Variants in FAM114A2 observed in about 807,000 individuals in gnomAD.
The protein encoded by FAM114A2 is protein FAM114A2.
A neutral mutation model predicts 58.4 loss-of-function variants in FAM114A2; 53 were observed. That is an observed-to-expected ratio of 0.91 (90% CI 0.73 to 1.14). FAM114A2 has a LOEUF of 1.14. Among genes scored for constraint, FAM114A2 ranks in the 50% most tolerant of loss-of-function variants. The pLI is 0.00. For missense variants in FAM114A2, 601 were observed against 581.1 expected, an observed-to-expected ratio of 1.03 and a Z score of -0.35; for synonymous variants, 228 against 211.4, an observed-to-expected ratio of 1.08 and a Z score of -0.68.
chr5:154,014,344 G>A (rs1350047781), intron 8 of FAM114A2, among the ~76,000 whole-genome samples: 1 of 152,184 alleles, frequency 6.6e-6, no homozygotes, highest in African/African-American at 2.4e-5. Flanking sequence ...AGAGCAGCGC[G>A]TGGAGGCTCG....
chr5:154,009,036 G>A (rs938860837), intron 9 of FAM114A2, among the ~76,000 whole-genome samples: 1 of 152,114 alleles, frequency 6.6e-6, no homozygotes, highest in Non-Finnish European at 1.5e-5. Context: ...ACACATATAG[G>A]TGTATATGTA....
At chr5:154,001,878 T>C (rs1038061433) in intron 11 of FAM114A2, among the ~76,000 whole-genome samples, 2 of 152,136 alleles carry the variant, frequency 1.3e-5, no homozygotes, top group African/African-American at 4.8e-5. Flanking sequence ...AAATTAGAAA[T>C]TATACATGCA....
intron 12 of FAM114A2, chr5:153,995,192 T>C (rs1769478097): frequency 4.3e-6 from 2 of 468,328 alleles, no homozygotes; most frequent in South Asian, 3.9e-5. Flanking sequence ...TGACAGTGTA[T>C]TGTTTTATAC....
chr5:154,011,465 T>G (rs1161395072), intron 8 of FAM114A2, 145 bp from the exon 9 acceptor site: 1 of 596,672 alleles, frequency 1.7e-6, no homozygotes, highest in African/African-American at 1.9e-5. Context: ...TACATGAGCA[T>G]GGTGCTTTAG....
intron 11 of FAM114A2, among the ~76,000 whole-genome samples, chr5:154,001,398 A>C (rs1769961131): frequency 6.6e-6 from 1 of 152,186 alleles, no homozygotes; most frequent in Non-Finnish European, 1.5e-5. Flanking sequence ...GAACATTCCA[A>C]GTAGCAGAAA....
intron 9 of FAM114A2, among the ~76,000 whole-genome samples, chr5:154,006,092 C>G (rs80289164): frequency 1.3e-5 from 2 of 152,160 alleles, no homozygotes; most frequent in South Asian, 4.1e-4. Context: ...TTCAAAACAC[C>G]AAACAGCATG....
intron 9 of FAM114A2, among the ~76,000 whole-genome samples, chr5:154,004,678 A>T (rs1770234656): frequency 6.6e-6 from 1 of 152,038 alleles, no homozygotes; most frequent in Admixed American, 6.6e-5. Flanking sequence ...CTCTCCAACC[A>T]ATCACCAAGA....
chr5:153,993,006 C>T lies in FAM114A2; in HGVS notation c.1488G>A (p.Leu496=). 1 of 1,611,838 alleles carries T rather than the reference C, an allele frequency of 6.2e-7. No individual in the cohort carries two copies. Among genetic ancestry groups the T allele is most frequent in the Non-Finnish European group, 8.5e-7 (1 of 1,178,584 alleles). Residue 496 remains leucine, a synonymous_variant, in exon 14 of 14, where the codon CTG becomes CTA. Coordinates refer to ENST00000351797, the MANE Select transcript of FAM114A2 (RefSeq NM_018691.4). ...GTTCTAACAAAGGTTTCTGGCCCTG[C>T]AGCTCATGTCTGTGTGATTCAATCT... ...ENKIESHRHE[L]QGQKPLLEH
intron 9 of FAM114A2, among the ~76,000 whole-genome samples, chr5:154,005,744 G>A (rs186606588): frequency 2.6e-4 from 39 of 152,306 alleles, no homozygotes; most frequent in Non-Finnish European, 5.1e-4. Flanking sequence ...AAGTGAAAGA[G>A]TCCTGGTTTC....
chr5:154,027,261 G>A lies in FAM114A2; in HGVS notation c.704C>T (p.Thr235Ile), dbSNP rs766869106. ...NEVTVETDKK[T>I]HYGLLFDEFQ... ...TTCATCAAAGAGTAGCCCATAATGA[G>A]TTTTCTTGTCTGTTTCCACGGTAAC... Residue 235 changes from threonine to isoleucine, a missense_variant, in exon 7 of 14, where the codon ACT (threonine) becomes ATT (isoleucine). Physicochemically the swap from Thr to Ile is moderately conservative, Grantham distance 89. Coordinates refer to ENST00000351797, the MANE Select transcript of FAM114A2 (RefSeq NM_018691.4). 3 of 1,613,550 alleles carry A rather than the reference G, an allele frequency of 1.9e-6. No individual in the cohort carries two copies. The highest frequency in any genetic ancestry group is 2.5e-6 in the Non-Finnish European group (3 of 1,179,614).
intron 9 of FAM114A2, among the ~76,000 whole-genome samples, chr5:154,007,332 G>C (rs1236464720): frequency 6.6e-6 from 1 of 152,052 alleles, no homozygotes; most frequent in Non-Finnish European, 1.5e-5. Flanking sequence ...ATTTCCAACA[G>C]AAAAATAATG....
chr5:154,033,232 G>C (rs1308592417), intron 4 of FAM114A2, among the ~76,000 whole-genome samples: 2 of 152,054 alleles, frequency 1.3e-5, no homozygotes, highest in Non-Finnish European at 2.9e-5. Flanking sequence ...GAGAGATGAA[G>C]AATGCAAACC....
At chr5:154,017,782 C>T (rs1771139811) in intron 8 of FAM114A2, among the ~76,000 whole-genome samples, 2 of 152,120 alleles carry the variant, frequency 1.3e-5, no homozygotes, top group Non-Finnish European at 2.9e-5. Flanking sequence ...ATCAACTCTT[C>T]AAAACCATGC....
At chr5:154,019,725 C>A (rs1030749989) in intron 8 of FAM114A2, among the ~76,000 whole-genome samples, 6 of 152,040 alleles carry the variant, frequency 3.9e-5, no homozygotes, top group African/African-American at 1.4e-4. Context: ...CAGAAACAAA[C>A]CCAAATACTT....
At chr5:154,009,130 G>T (rs1211493715) in intron 9 of FAM114A2, among the ~76,000 whole-genome samples, 1 of 152,138 alleles carries the variant, frequency 6.6e-6, no homozygotes, top group Non-Finnish European at 1.5e-5. Context: ...CTCATGTCTT[G>T]GTCTATAAAA....
Position 153,991,635 on chromosome 5 carries a change from A to G in FAM114A2, c.*1341T>C, listed in dbSNP as rs1156934394. 4 of 152,090 alleles carry G rather than the reference A, an allele frequency of 2.6e-5. No individual in the cohort carries two copies. Among genetic ancestry groups the G allele is most frequent in the African/African-American group, 9.7e-5 (4 of 41,418 alleles). The allele number at this position is 152,090 out of a possible 1,614,324, so 9.4% of individuals were successfully genotyped here. A position where few individuals can be genotyped will look rare whatever the true frequency, so the allele number is the denominator to read the frequency against. ...TGCTTACTAACTGACTCCTGCCCCA[A>G]AGAAGATTACGTAGAAACAGTCTTT... On this transcript the variant is annotated 3_prime_UTR_variant, in exon 14 of 14. Transcript: ENST00000351797.
chr5:154,033,732 T>C, intron 4 of FAM114A2, 59 bp downstream of exon 4: 1 of 997,024 alleles, frequency 1.0e-6, no homozygotes, highest in Non-Finnish European at 1.6e-6. Context: ...ACTGAAAAAT[T>C]AGTTCAACTG....
At chr5:154,021,215 C>T (rs941792148) in intron 8 of FAM114A2, among the ~76,000 whole-genome samples, 2 of 152,184 alleles carry the variant, frequency 1.3e-5, no homozygotes, top group African/African-American at 4.8e-5. Flanking sequence ...AAACTGGAAG[C>T]ATTCCCTTTG....
chr5:154,036,181 T>A (rs1393406411), intron 1 of FAM114A2: 1 of 152,232 alleles, frequency 6.6e-6, no homozygotes, highest in Non-Finnish European at 1.5e-5. Flanking sequence ...AGGTATAATT[T>A]ATCAATTTTT....
Sources: allele counts gnomAD v4.1 joint callset (sites outside exome capture counted in the v4.1 genomes callset), GRCh38; gene constraint gnomAD v4.1.1; transcripts MANE v1.5; gene names NCBI Gene and HGNC (gene_info 2026-07-23, HGNC 2026-07-21).